Variants in ITPR1 observed in about 807,000 individuals in gnomAD.
ITPR1 encodes inositol 1,4,5-trisphosphate receptor type 1.
A neutral mutation model predicts 318.4 loss-of-function variants in ITPR1; 96 were observed. The observed-to-expected ratio is 0.30, with a 90% CI of 0.26 to 0.36. The LOEUF (loss-of-function observed/expected upper bound fraction) is 0.36, where lower values mean the gene tolerates loss of function less well. Among genes scored for constraint, ITPR1 ranks in the 10% least tolerant of loss-of-function variants. The pLI is 1.00. For missense variants in ITPR1, 2,440 were observed against 3,460.2 expected (o/e 0.71, Z 7.40); for synonymous variants, 1,312 against 1,289.9 (o/e 1.02, Z -0.37).
intron 51 of ITPR1, among the ~76,000 whole-genome samples, chr3:4,787,112 G>A (rs1042661383): frequency 3.9e-5 from 6 of 151,982 alleles, no homozygotes; most frequent in African/African-American, 7.3e-5. Context: ...CGTGACTAGC[G>A]GCTGTCCTCG....
chr3:4,681,303 T>C, intron 25 of ITPR1, 61 bp from the exon 26 acceptor site: 1 of 1,171,554 alleles, frequency 8.5e-7, no homozygotes, highest in Non-Finnish European at 1.3e-6. Flanking sequence ...TATGGATGAG[T>C]TCACCAGCAG....
intron 45 of ITPR1, chr3:4,768,286 G>A (rs1484800616): frequency 1.4e-5 from 7 of 506,204 alleles, no homozygotes; most frequent in Admixed American, 3.4e-5. Flanking sequence ...GAAACACACT[G>A]TACACGTAGG....
At chr3:4,662,640 T>G (rs2093859709) in intron 15 of ITPR1, among the ~76,000 whole-genome samples, 1 of 152,138 alleles carries the variant, frequency 6.6e-6, no homozygotes, top group Admixed American at 6.5e-5. Flanking sequence ...GAAGAATTGC[T>G]TGAACCCAGG....
At chr3:4,588,872 C>T (rs567661465) in intron 4 of ITPR1, among the ~76,000 whole-genome samples, 1 of 152,312 alleles carries the variant, frequency 6.6e-6, no homozygotes, top group South Asian at 2.1e-4. Context: ...TCACACGTCA[C>T]ATCTTAGCCA....
chr3:4,722,718 C>T (rs1575014292), intron 40 of ITPR1, among the ~76,000 whole-genome samples: 1 of 147,084 alleles, frequency 6.8e-6, no homozygotes, highest in East Asian at 1.9e-4. Flanking sequence ...GACTTAGATA[C>T]CATGTATGGC....
chr3:4,572,837 T>G (rs941996700), intron 4 of ITPR1, among the ~76,000 whole-genome samples: 1 of 152,178 alleles, frequency 6.6e-6, no homozygotes, highest in Non-Finnish European at 1.5e-5. Flanking sequence ...TGGAGTCATA[T>G]TGTATTTGTG....
intron 60 of ITPR1, chr3:4,831,165 T>C (rs1182997041): frequency 3.7e-5 from 7 of 190,000 alleles, no homozygotes; most frequent in East Asian, 1.7e-4. Context: ...TCACTCCCTC[T>C]CTCTGTCTCT....
At chr3:4,802,821 T>G (rs1185897752) in intron 54 of ITPR1, among the ~76,000 whole-genome samples, 1 of 146,502 alleles carries the variant, frequency 6.8e-6, no homozygotes, top group Non-Finnish European at 1.5e-5. Flanking sequence ...AGAATGAGAC[T>G]GATTAAAAAA....
intron 20 of ITPR1, among the ~76,000 whole-genome samples, chr3:4,672,309 C>G (rs147911038): frequency 0.01 from 1,558 of 152,310 alleles, 28 homozygotes; most frequent in African/African-American, 0.034. Flanking sequence ...CCTTGAATAT[C>G]ATGATGCTTT....
intron 54 of ITPR1, among the ~76,000 whole-genome samples, chr3:4,805,816 C>G (rs2048516854): frequency 6.6e-6 from 1 of 152,208 alleles, no homozygotes; most frequent in Non-Finnish European, 1.5e-5. Flanking sequence ...AAATCATAAT[C>G]TCAGTATGTG....
At chr3:4,555,637 T>C (rs1461299457) in intron 4 of ITPR1, among the ~76,000 whole-genome samples, 1 of 152,182 alleles carries the variant, frequency 6.6e-6, no homozygotes, top group Non-Finnish European at 1.5e-5. Context: ...TACAATCTAG[T>C]TTTTTTCAGC....
intron 4 of ITPR1, among the ~76,000 whole-genome samples, chr3:4,534,664 T>A (rs2083698950): frequency 6.6e-6 from 1 of 152,230 alleles, no homozygotes; most frequent in Admixed American, 6.5e-5. Context: ...TTTTTCCGGG[T>A]ACATTTGAGT....
chr3:4,701,124 A>C (rs1289252907), intron 35 of ITPR1, among the ~76,000 whole-genome samples: 1 of 152,162 alleles, frequency 6.6e-6, no homozygotes, highest in Non-Finnish European at 1.5e-5. Context: ...TTATCCATTT[A>C]ATCATCTTTT....
chr3:4,800,466 A>G lies in ITPR1; in HGVS notation c.6973A>G (p.Met2325Val), dbSNP rs375240191. 8.7e-6 allele frequency: 14 copies of G among 1,614,048 alleles called. No individual in the cohort carries two copies. Among genetic ancestry groups the G allele is most frequent in the Non-Finnish European group, 1.0e-5 (12 of 1,179,890 alleles). ...CTGGTCGGGACTCCTGTGGACAGCCATGCTCATCTCTCTGGCCATCGTCAT... is the reference window on the plus strand; with the variant it reads ...CTGGTCGGGACTCCTGTGGACAGCCGTGCTCATCTCTCTGGCCATCGTCAT... ...PHWSGLLWTA[M>V]LISLAIVIAL... is the part of the protein sequence containing the mutation. The change falls in exon 54 of 62, where the codon ATG (methionine) becomes GTG (valine). Residue 2325 changes from methionine (M) to valine (V), a missense_variant. Transcript: ENST00000649015.
At chr3:4,682,553 T>A (rs2094320827) in intron 26 of ITPR1, among the ~76,000 whole-genome samples, 2 of 152,214 alleles carry the variant, frequency 1.3e-5, no homozygotes, top group South Asian at 4.1e-4. Flanking sequence ...AAATTTGAAT[T>A]AGCAACATTA....
intron 44 of ITPR1, among the ~76,000 whole-genome samples, chr3:4,765,377 C>G (rs1235127682): frequency 6.6e-6 from 1 of 152,146 alleles, no homozygotes; most frequent in African/African-American, 2.4e-5. Flanking sequence ...TGTTTGTCCA[C>G]AAAGTGTGTG....
Position 4,627,896 on chromosome 3 carries a change from G to C in ITPR1, c.279+18G>C, listed in dbSNP as rs1266284169. The C allele has an allele frequency of 3.3e-6, 5 of 1,521,724 alleles. No homozygotes were observed. Among genetic ancestry groups the C allele is most frequent in the Non-Finnish European group, 4.5e-6 (5 of 1,100,130 alleles). The allele number at this position is 1,521,724 out of a possible 1,614,324, so 94.3% of individuals were successfully genotyped here. On this transcript the variant is annotated intron_variant, in intron 5 of 61. Coordinates refer to ENST00000649015, the MANE Select transcript of ITPR1 (RefSeq NM_001378452.1). ...AACTGCACGTACGTATTGCCATGGG[G>C]CTGTCGATGGGGCAGTAGTGAGTGG...
At chr3:4,812,816 C>T (rs563392335) in intron 56 of ITPR1, among the ~76,000 whole-genome samples, 2 of 152,304 alleles carry the variant, frequency 1.3e-5, no homozygotes, top group African/African-American at 4.8e-5. Flanking sequence ...TAATGCTTCT[C>T]GTGCAGACTT....
intron 40 of ITPR1, among the ~76,000 whole-genome samples, chr3:4,719,724 G>A (rs1277203791): frequency 1.3e-5 from 2 of 152,220 alleles, no homozygotes; most frequent in Admixed American, 6.5e-5. Context: ...TGAGAAAACA[G>A]GGTGAAATGA....
Sources: allele counts gnomAD v4.1 joint callset (sites outside exome capture counted in the v4.1 genomes callset), GRCh38; gene constraint gnomAD v4.1.1; transcripts MANE v1.5; gene names NCBI Gene and HGNC (gene_info 2026-07-23, HGNC 2026-07-21).